RAP1GAP2: variants seen among roughly 807,000 people sequenced by gnomAD.
The protein encoded by RAP1GAP2 is RAP1 GTPase activating protein 2, also known as rap1 GTPase-activating protein 2.
In RAP1GAP2, 27 loss-of-function variants were observed where a neutral mutation model predicts 95.0. The observed-to-expected ratio is 0.28, with a 90% CI of 0.21 to 0.39. The LOEUF (loss-of-function observed/expected upper bound fraction) is 0.39, where lower values mean the gene tolerates loss of function less well. Among genes scored for constraint, RAP1GAP2 ranks in the 10% least tolerant of loss-of-function variants. The pLI is 1.00. For synonymous variants in RAP1GAP2, 373 were observed against 380.9 expected, an observed-to-expected ratio of 0.98 and a Z score of 0.24; for missense variants, 771 against 970.0, an observed-to-expected ratio of 0.79 and a Z score of 2.72.
rs1313037052 is a variant in RAP1GAP2, at chr17:3,003,318, G to T, written c.1201-2051G>T. ...CAGAAATGAGTGTAGTCCTCATCCT[G>T]CCTGCTTGGAAGGAAAGTCCAGCTC... On this transcript the variant is annotated intron_variant, in intron 14 of 24. Transcript: ENST00000254695. The surrounding 1 kb of genome is among the most constrained non-coding windows in gnomAD (Gnocchi z 4.1). Among the ~76,000 whole-genome samples the T allele has an allele frequency of 6.6e-6, 1 of 152,086 alleles. No individual in the cohort carries two copies. Among genetic ancestry groups the T allele is most frequent in the Non-Finnish European group, 1.5e-5 (1 of 68,008 alleles).
intron 3 of RAP1GAP2, among the ~76,000 whole-genome samples, chr17:2,911,669 G>T (rs1298790226): frequency 8.8e-6 from 1 of 113,978 alleles, no homozygotes; most frequent in East Asian, 3.0e-4. Flanking sequence ...GAGAGGAGGG[G>T]GAAACGCTAT....
At chr17:2,758,069 C>T (rs939545377) in intron 1 of RAP1GAP2, among the ~76,000 whole-genome samples, 2 of 151,100 alleles carry the variant, frequency 1.3e-5, no homozygotes, top group Non-Finnish European at 2.9e-5. Flanking sequence ...CGGGGTTTCA[C>T]CATGTTAGCC....
intron 1 of RAP1GAP2, among the ~76,000 whole-genome samples, chr17:2,769,026 A>C (rs987320411): frequency 3.3e-5 from 5 of 151,664 alleles, no homozygotes; most frequent in Non-Finnish European, 2.9e-5. Flanking sequence ...CAGGAGTTCA[A>C]GACCAGCCTG....
In RAP1GAP2 at chr17:3,005,424, C is replaced by T; in HGVS notation, c.1256C>T (p.Pro419Leu). The T allele has an allele frequency of 6.2e-7, 1 of 1,613,502 alleles. No homozygotes were observed. The highest frequency in any genetic ancestry group is 8.5e-7 in the Non-Finnish European group (1 of 1,179,498). The change falls in exon 15 of 25, where the codon CCC (proline) becomes CTC (leucine). Residue 419 changes from proline (P) to leucine (L), a missense_variant. Physicochemically the swap from Pro to Leu is moderately conservative, Grantham distance 98 (BLOSUM62 -3). Transcript: ENST00000254695. The surrounding 1 kb of genome is among the most constrained non-coding windows in gnomAD (Gnocchi z 5.2). Reference sequence around the variant, plus strand: ...ACCTTTGGTCCACCTCTGCCCAGTCCCCCCGTTTTCCAGAAGGTAGGACAC... The same window carrying T: ...ACCTTTGGTCCACCTCTGCCCAGTCTCCCCGTTTTCCAGAAGGTAGGACAC... ...VPTFGPPLPS[P>L]PVFQKGPEFR... is the part of the protein sequence containing the mutation.
chr17:2,956,505 C>T (rs887789188), intron 3 of RAP1GAP2, among the ~76,000 whole-genome samples: 1 of 152,206 alleles, frequency 6.6e-6, no homozygotes, highest in Non-Finnish European at 1.5e-5. Context: ...TGCTTGGAGG[C>T]CCCACCTCTG....
chr17:2,981,465 G>T (rs2045354061), intron 10 of RAP1GAP2, among the ~76,000 whole-genome samples: 1 of 152,130 alleles, frequency 6.6e-6, no homozygotes, highest in Non-Finnish European at 1.5e-5. Flanking sequence ...AGCTGAATTG[G>T]TCCCCAGGCT....
At position 3,013,544 on chromosome 17, in the gene RAP1GAP2, T is replaced by A. The variant is rs570783483; in HGVS notation, c.1495-4517T>A. ...GCCTGCCGCCTCCTCACACTTACCTTGCTGACTCCGGCGGCTGCACCAGGA... is the reference window on the plus strand; with the variant it reads ...GCCTGCCGCCTCCTCACACTTACCTAGCTGACTCCGGCGGCTGCACCAGGA... On this transcript the variant is annotated intron_variant, in intron 17 of 24. Coordinates refer to ENST00000254695, the MANE Select transcript of RAP1GAP2 (RefSeq NM_015085.5). Among the ~76,000 whole-genome samples the A allele has an allele frequency of 1.8e-4, 28 of 152,024 alleles. No homozygotes were observed. The South Asian group carries it at 5.8e-3, about 32-fold the overall frequency.
At chr17:2,765,881 A>G (rs998946414) in intron 1 of RAP1GAP2, among the ~76,000 whole-genome samples, 2 of 152,162 alleles carry the variant, frequency 1.3e-5, no homozygotes, top group African/African-American at 4.8e-5. Flanking sequence ...AGGCTCGAGA[A>G]TTGCTTGAAC....
chr17:2,960,273 C>T (rs1381803597), intron 4 of RAP1GAP2, among the ~76,000 whole-genome samples: 1 of 152,052 alleles, frequency 6.6e-6, no homozygotes, highest in Non-Finnish European at 1.5e-5. Flanking sequence ...AGTTTGCTCT[C>T]CTGCCCTCGG....
chr17:2,853,903 G>T (rs1031292956), intron 2 of RAP1GAP2: 120 of 978,712 alleles, frequency 1.2e-4, no homozygotes, highest in Non-Finnish European at 1.4e-4. Flanking sequence ...GCCGGGGGCC[G>T]GGGCGCGGGC....
chr17:2,864,687 G>C (rs2072552053), intron 2 of RAP1GAP2, among the ~76,000 whole-genome samples: 1 of 152,192 alleles, frequency 6.6e-6, no homozygotes, highest in African/African-American at 2.4e-5. Context: ...TGCGTCCTTT[G>C]GGACTTCTTG....
Position 2,965,939 on chromosome 17 carries a change from G to A in RAP1GAP2, c.596+296G>A. 2.5e-6 allele frequency: 1 copy of A among 397,408 alleles called. No individual in the cohort carries two copies. 24.6% of individuals were successfully genotyped at this position (397,408 alleles called of 1,614,324 possible). A position where few individuals can be genotyped will look rare whatever the true frequency, so the allele number is the denominator to read the frequency against. On this transcript the variant is annotated intron_variant, in intron 8 of 24. Coordinates refer to ENST00000254695, the MANE Select transcript of RAP1GAP2 (RefSeq NM_015085.5). This position sits in a 1 kb window ranked among gnomAD's most constrained non-coding sequence, Gnocchi z 4.7. Reference sequence around the variant, plus strand: ...AAGTCCATGGCTCTGAGGAAGACGGGAAGAAAAGTAGGGATGGTTCAGTGT... The same window carrying A: ...AAGTCCATGGCTCTGAGGAAGACGGAAAGAAAAGTAGGGATGGTTCAGTGT...
intron 2 of RAP1GAP2, among the ~76,000 whole-genome samples, chr17:2,839,590 A>G (rs145583239): frequency 9.3e-4 from 142 of 152,172 alleles, no homozygotes; most frequent in African/African-American, 3.2e-3. Flanking sequence ...TGTTCCAGGA[A>G]CCACATTACA....
chr17:2,958,254 A>C (rs1389761924), intron 4 of RAP1GAP2, among the ~76,000 whole-genome samples: 3 of 152,164 alleles, frequency 2.0e-5, no homozygotes, highest in Non-Finnish European at 2.9e-5. Context: ...AGCCTCCATA[A>C]ATAAATAAGA....
chr17:2,820,574 C>A lies in RAP1GAP2; in HGVS notation c.80+20024C>A, dbSNP rs62089694. Among the ~76,000 whole-genome samples, 1,099 of 148,550 alleles carry A rather than the reference C, an allele frequency of 7.4e-3. 11 individuals carry two copies. The highest frequency in any genetic ancestry group is 8.3e-3 in the Non-Finnish European group (560 of 67,420). On this transcript the variant is annotated intron_variant, in intron 2 of 24. Transcript: ENST00000254695. ...GGCAGAGGCTGCAGTGAGCTGAGAT[C>A]TCATCACTGCACTCCAGCCTGGGCA...
At chr17:2,858,526 A>G (rs1054345794) in intron 2 of RAP1GAP2, among the ~76,000 whole-genome samples, 3 of 152,304 alleles carry the variant, frequency 2.0e-5, no homozygotes, top group East Asian at 1.9e-4. Flanking sequence ...TTATGTACCA[A>G]TGCACTCCTC....
intron 11 of RAP1GAP2, among the ~76,000 whole-genome samples, chr17:2,989,970 T>C (rs902641110): frequency 1.3e-5 from 2 of 152,190 alleles, no homozygotes; most frequent in Non-Finnish European, 2.9e-5. Context: ...ATTCTAGACC[T>C]TTTATAAATG....
chr17:2,784,670 T>C (rs2068734452), intron 1 of RAP1GAP2, among the ~76,000 whole-genome samples: 1 of 152,200 alleles, frequency 6.6e-6, no homozygotes, highest in East Asian at 1.9e-4. Context: ...TACTCTCATG[T>C]AGTCCAGGAG....
At chr17:2,773,676 T>TATTC (rs10630035), upstream of RAP1GAP2, among the ~76,000 whole-genome samples, 27,661 of 151,910 alleles carry the variant, frequency 0.18, 2,768 homozygotes, top group South Asian at 0.36. Context: ...CAGTAGATAC[T>TATTC]ATTCATTCAT....
Sources: gnomAD v4.1 joint callset for allele counts (sites outside exome capture counted in the v4.1 genomes callset) on GRCh38, gnomAD v4.1.1 for gene constraint, Gnocchi (gnomAD v3.1) non-coding constraint, MANE v1.5 for transcripts, NCBI Gene and HGNC (gene_info 2026-07-23, HGNC 2026-07-21) for gene names.